Variants in VPS13D observed in about 807,000 individuals in gnomAD.
The protein encoded by VPS13D is intermembrane lipid transfer protein VPS13D.
VPS13D carries 187 observed loss-of-function variants against 461.9 expected under a neutral mutation model. The ratio of observed to expected loss-of-function variants is 0.40; its 90% CI spans 0.36 to 0.46. The LOEUF is 0.46. Ranked by LOEUF, VPS13D falls within the 20% of genes least tolerant of loss-of-function variation. The pLI, the probability that VPS13D is intolerant of heterozygous loss-of-function variation, is 0.60. For synonymous variants in VPS13D, 1,951 were observed against 1,986.3 expected (o/e 0.98, Z 0.47); for missense variants, 4,711 against 5,364.9 (o/e 0.88, Z 3.81).
chr1:12,373,948 G>C (rs573095722), intron 55 of VPS13D, 90 bp downstream of exon 55: 2 of 998,274 alleles, frequency 2.0e-6, no homozygotes, highest in South Asian at 1.5e-5. Context: ...CTTATTTCAT[G>C]ATGAGGCCAT....
intron 52 of VPS13D, among the ~76,000 whole-genome samples, chr1:12,366,179 G>C (rs7542674): frequency 0.048 from 7,307 of 152,212 alleles, 578 homozygotes; most frequent in African/African-American, 0.16. Context: ...AAAGTGCTAG[G>C]ATTATAGGTG....
chr1:12,490,037 TCTC>T (rs1179370676), intron 67 of VPS13D, among the ~76,000 whole-genome samples: 14 of 152,176 alleles, frequency 9.2e-5, no homozygotes, highest in Non-Finnish European at 2.1e-4. Flanking sequence ...TTTCTGTTCA[TCTC>T]CTCCACTGAA....
intron 6 of VPS13D, among the ~76,000 whole-genome samples, chr1:12,250,078 C>T (rs1037894591): frequency 2.6e-5 from 4 of 152,200 alleles, no homozygotes; most frequent in African/African-American, 9.7e-5. Flanking sequence ...CTCAGGGAAA[C>T]ACTTTACTTA....
chr1:12,425,360 C>T (rs1056710726), intron 65 of VPS13D, among the ~76,000 whole-genome samples: 1 of 151,968 alleles, frequency 6.6e-6, no homozygotes, highest in African/African-American at 2.4e-5. Context: ...GAATTCGAGA[C>T]CAGCATGACC....
intron 30 of VPS13D, 125 bp from the exon 31 acceptor site, chr1:12,317,947 C>A: frequency 1.1e-6 from 1 of 924,688 alleles, no homozygotes; most frequent in Non-Finnish European, 1.6e-6. Context: ...TTTACTGATA[C>A]TCAAAGCAGG....
intron 60 of VPS13D, among the ~76,000 whole-genome samples, chr1:12,392,632 C>T (rs1391943688): frequency 6.6e-6 from 1 of 151,322 alleles, no homozygotes; most frequent in African/African-American, 2.4e-5. Flanking sequence ...GTCAGATGTT[C>T]ATTTTCCACC....
At chr1:12,301,186 T>G (rs1415564022) in intron 25 of VPS13D, among the ~76,000 whole-genome samples, 1 of 152,128 alleles carries the variant, frequency 6.6e-6, no homozygotes, top group Non-Finnish European at 1.5e-5. Context: ...ATGTGTTGGG[T>G]TTTCCCCCAT....
chr1:12,372,972 CTT>C (rs1161861865), intron 54 of VPS13D, among the ~76,000 whole-genome samples: 3 of 151,710 alleles, frequency 2.0e-5, no homozygotes, highest in Non-Finnish European at 4.4e-5. Flanking sequence ...GATTGGAACC[CTT>C]TGTTTTCTTT....
At chr1:12,475,473 A>G (rs1412774470) in intron 67 of VPS13D, among the ~76,000 whole-genome samples, 2 of 152,236 alleles carry the variant, frequency 1.3e-5, no homozygotes, top group African/African-American at 4.8e-5. Context: ...AAGCCCATGC[A>G]GAATATATGG....
intron 68 of VPS13D, among the ~76,000 whole-genome samples, chr1:12,499,256 A>G (rs917082732): frequency 3.3e-5 from 5 of 152,190 alleles, no homozygotes; most frequent in Non-Finnish European, 5.9e-5. Flanking sequence ...TCCTCAGCAC[A>G]TAGAACAGTG....
chr1:12,489,564 G>C (rs1012863844), intron 67 of VPS13D, among the ~76,000 whole-genome samples: 1 of 152,128 alleles, frequency 6.6e-6, no homozygotes, highest in African/African-American at 2.4e-5. Flanking sequence ...GAAAGCAAAG[G>C]GGAAAGGAAA....
intron 40 of VPS13D, 28 bp downstream of exon 40, chr1:12,338,333 T>C: frequency 1.2e-6 from 2 of 1,605,562 alleles, no homozygotes; most frequent in Non-Finnish European, 1.7e-6. Flanking sequence ...GAGGGCTTGC[T>C]TTATTTTCCT....
chr1:12,370,993 A>G (rs1169808316), intron 54 of VPS13D, among the ~76,000 whole-genome samples: 1 of 152,208 alleles, frequency 6.6e-6, no homozygotes, highest in Non-Finnish European at 1.5e-5. Flanking sequence ...TATATCAGAT[A>G]CTAATTATTT....
chr1:12,293,800 T>G, intron 24 of VPS13D, 96 bp downstream of exon 24: 1 of 1,278,952 alleles, frequency 7.8e-7, no homozygotes, highest in Non-Finnish European at 1.1e-6. Flanking sequence ...TAAAGGTAAG[T>G]TATCCTTGCT....
intron 59 of VPS13D, among the ~76,000 whole-genome samples, chr1:12,385,956 AT>A (rs1195260338): frequency 6.6e-6 from 1 of 152,192 alleles, no homozygotes; most frequent in Non-Finnish European, 1.5e-5. Context: ...GTATCATCAC[AT>A]ACTCTGGAGT....
At chr1:12,353,229 T>TTG (rs1643841848) in intron 46 of VPS13D, among the ~76,000 whole-genome samples, 1 of 151,856 alleles carries the variant, frequency 6.6e-6, no homozygotes, top group South Asian at 2.1e-4. Context: ...TGTTGAGACT[T>TTG]TAAGTTTTAG....
rs1476272471 is a variant in VPS13D, at chr1:12,327,679, T to C, written c.8022T>C (p.Phe2674=). The change falls in exon 36 of 70, where the codon TTT becomes TTC. Residue 2674 remains phenylalanine, a synonymous_variant. Coordinates refer to ENST00000620676, the MANE Select transcript of VPS13D (RefSeq NM_015378.4). ...GQLKKAASWL[F]KNAEPLKSLS... Reference sequence around the variant, plus strand: ...TGAAAAAGGCAGCAAGTTGGTTGTTTAAGAATGCGGAACCTCTGAAGTCTC... The same window carrying C: ...TGAAAAAGGCAGCAAGTTGGTTGTTCAAGAATGCGGAACCTCTGAAGTCTC... 6.2e-7 allele frequency: 1 copy of C among 1,614,166 alleles called. No individual in the cohort carries two copies. Among genetic ancestry groups the C allele is most frequent in the Non-Finnish European group, 8.5e-7 (1 of 1,180,024 alleles).
rs781578912 is a variant in VPS13D, at chr1:12,257,011, T to G, written c.865T>G (p.Phe289Val). 6.2e-7 allele frequency: 1 copy of G among 1,614,156 alleles called. No individual in the cohort carries two copies. Among genetic ancestry groups the G allele is most frequent in the Admixed American group, 1.7e-5 (1 of 60,016 alleles). Residue 289 changes from phenylalanine (F) to valine (V), a missense_variant, in exon 9 of 70, where the codon TTC becomes GTC. Around this residue, in one of 3 missense-constraint regions of VPS13D, gnomAD observed 4,411 missense variants for 4,937.8 expected, o/e 0.89. Coordinates refer to ENST00000620676, the MANE Select transcript of VPS13D (RefSeq NM_015378.4). The stretch of plus-strand genomic sequence containing the variant: ...GCTGCAATACCGGCAAATCATGGAA[T>G]TCCTCAAGGAGCTGGAACGAAAGGA... ...SQLQYRQIME[F>V]LKELERKERQ...
intron 2 of VPS13D, among the ~76,000 whole-genome samples, chr1:12,237,033 G>T (rs1234692768): frequency 6.6e-6 from 1 of 151,952 alleles, no homozygotes; most frequent in African/African-American, 2.4e-5. Flanking sequence ...TTGGCTGATG[G>T]AGTGGACTTC....
Sources: allele counts gnomAD v4.1 joint callset (sites outside exome capture counted in the v4.1 genomes callset), GRCh38; gene constraint gnomAD v4.1.1; regional missense constraint gnomAD v4.1.1; transcripts MANE v1.5; gene names NCBI Gene and HGNC (gene_info 2026-07-23, HGNC 2026-07-21).